The following LARP1B variants were observed in gnomAD, a reference collection of about 807,000 sequenced individuals.
LARP1B encodes the protein la-related protein 1B.
A neutral mutation model predicts 114.2 loss-of-function variants in LARP1B; 76 were observed. That is an observed-to-expected ratio of 0.67 (90% CI 0.55 to 0.81). LARP1B has a LOEUF of 0.81. Ranked by LOEUF, LARP1B falls within the 30% of genes least tolerant of loss-of-function variation. The pLI, the probability that LARP1B is intolerant of heterozygous loss-of-function variation, is 0.00. For synonymous variants in LARP1B, 345 were observed against 348.0 expected (o/e 0.99, Z 0.10); for missense variants, 1,014 against 1,075.8 (o/e 0.94, Z 0.80).
chr4:128,167,023 TACAC>T (rs1741355794), intron 12 of LARP1B, among the ~76,000 whole-genome samples: 1 of 144,280 alleles, frequency 6.9e-6, no homozygotes, highest in Non-Finnish European at 1.5e-5. Context: ...CATATATACA[TACAC>T]ACGTGTGTAC....
chr4:128,090,368 C>T (rs779315131), intron 5 of LARP1B, among the ~76,000 whole-genome samples: 30 of 152,146 alleles, frequency 2.0e-4, no homozygotes, highest in East Asian at 3.9e-4. Context: ...CCACCGCGCC[C>T]GGCCTTGTAT....
chr4:128,189,591 C>T (rs1469627515), intron 15 of LARP1B, among the ~76,000 whole-genome samples: 1 of 151,998 alleles, frequency 6.6e-6, no homozygotes, highest in Non-Finnish European at 1.5e-5. Context: ...TGTTTTGTAA[C>T]TCCTCCCTTA....
At chr4:128,096,887 A>G (rs1778247176) in intron 7 of LARP1B, among the ~76,000 whole-genome samples, 1 of 151,388 alleles carries the variant, frequency 6.6e-6, no homozygotes, top group Non-Finnish European at 1.5e-5. Flanking sequence ...GGCGTGAGCC[A>G]CCATGCCTGG....
intron 9 of LARP1B, among the ~76,000 whole-genome samples, chr4:128,111,685 T>A (rs1784158791): frequency 1.1e-5 from 1 of 92,172 alleles, no homozygotes; most frequent in Non-Finnish European, 2.6e-5. Context: ...TAAGGGGCCC[T>A]GTCTCTTTTT....
chr4:128,108,886 TATA>T (rs1783000139), intron 9 of LARP1B: 10 of 953,328 alleles, frequency 1.0e-5, no homozygotes, highest in Non-Finnish European at 1.2e-5. Flanking sequence ...CTAATAAAAT[TATA>T]AGAATAAAAT....
intron 9 of LARP1B, chr4:128,107,679 GT>G: frequency 7.0e-7 from 1 of 1,434,586 alleles, no homozygotes; most frequent in Non-Finnish European, 9.1e-7. Flanking sequence ...CAAGAGTGGG[GT>G]AGTCTTCCTT....
chr4:128,188,433 A>G (rs1751080743), intron 15 of LARP1B, among the ~76,000 whole-genome samples: 1 of 151,894 alleles, frequency 6.6e-6, no homozygotes, highest in South Asian at 2.1e-4. Flanking sequence ...AGGTTTGTTG[A>G]TTTTGTTTAT....
intron 1 of LARP1B, among the ~76,000 whole-genome samples, chr4:128,073,306 C>T (rs940603178): frequency 1.3e-5 from 2 of 149,824 alleles, no homozygotes; most frequent in African/African-American, 4.9e-5. Context: ...ATCCCAGCTG[C>T]TTGGGAGGCT....
At chr4:128,120,658 T>TG (rs1010231740) in intron 10 of LARP1B, among the ~76,000 whole-genome samples, 3 of 149,784 alleles carry the variant, frequency 2.0e-5, no homozygotes, top group African/African-American at 7.4e-5. Context: ...TTAGTAGAGA[T>TG]GGGGTCTCAC....
Position 128,129,164 on chromosome 4 carries a change from CAAAAAAAAAAAAAAAAAAAAAAAAA to C in LARP1B, c.1524+6992_1524+7016del, listed in dbSNP as rs559312234. ...TGGGCGACAGAGCGAGACTCTGTCT[CAAAAAAAAAAAAAAAAAAAAAAAAA>C]AAAAAAAAAAAAAAATTCAGCCGTG... On this transcript the variant is annotated intron_variant, in intron 11 of 19. Coordinates refer to ENST00000326639, the MANE Select transcript of LARP1B (RefSeq NM_018078.4). 2.6e-4 allele frequency among the ~76,000 whole-genome samples: 13 copies of C among 49,142 alleles called. No individual in the cohort carries two copies. The East Asian group carries it at 3.8e-3, about 14-fold the overall frequency. 32.2% of individuals were successfully genotyped at this position (49,142 alleles called of 152,430 possible).
chr4:128,073,572 GTTTTTTTTTTTT>G (rs568197117), intron 1 of LARP1B, among the ~76,000 whole-genome samples: 2 of 40,002 alleles, frequency 5.0e-5, no homozygotes, highest in African/African-American at 1.7e-4. Flanking sequence ...TATTGTTGTC[GTTTTTTTTTTTT>G]TTTTTTTTTT....
At position 128,209,857 on chromosome 4, in the gene LARP1B, C is replaced by T. The variant is rs1487687852; in HGVS notation, c.2549C>T (p.Pro850Leu). 1.9e-6 allele frequency: 3 copies of T among 1,611,842 alleles called. No individual in the cohort carries two copies. Among genetic ancestry groups the T allele is most frequent in the South Asian group, 2.2e-5 (2 of 91,010 alleles). ...FKRLEDFRVD[P>L]PISDEFGRKR... The stretch of plus-strand genomic sequence containing the variant: ...GGTGTTGCCTTTCATCATTTGCAGC[C>T]CCCTATTAGTGATGAATTTGGAAGA... Residue 850 changes from proline (P) to leucine (L), a missense_variant and splice_region_variant, in exon 20 of 20, where the codon CCC becomes CTC. Physicochemically the swap from Pro to Leu is moderately conservative, Grantham distance 98. Transcript: ENST00000326639.
At chr4:128,102,147 T>C (rs551288498) in intron 8 of LARP1B, among the ~76,000 whole-genome samples, 1 of 152,238 alleles carries the variant, frequency 6.6e-6, no homozygotes, top group Non-Finnish European at 1.5e-5. Context: ...TAAGTCTGCA[T>C]TCACTTAACA....
chr4:128,216,743 G>C (rs1433977767), downstream of LARP1B, among the ~76,000 whole-genome samples: 1 of 151,766 alleles, frequency 6.6e-6, no homozygotes, highest in Non-Finnish European at 1.5e-5. Context: ...AACTAGAGAA[G>C]CAAGAGCAAA....
chr4:128,202,755 G>A (rs937269144), intron 17 of LARP1B, among the ~76,000 whole-genome samples: 3 of 152,136 alleles, frequency 2.0e-5, no homozygotes, highest in African/African-American at 7.2e-5. Flanking sequence ...TGTTTCTGCA[G>A]TATTTACCAC....
At position 128,178,608 on chromosome 4, in the gene LARP1B, C is replaced by T; in HGVS notation, c.1862C>T (p.Pro621Leu). ...CCTAACAAAACACCAAGATTTTATC[C>T]TGTTGTTAAAGAACCAAAAGCCATT... is the stretch of plus-strand genomic sequence containing the variant. ...QDPNKTPRFY[P>L]VVKEPKAIDV... The change falls in exon 14 of 20, where the codon CCT becomes CTT. Residue 621 changes from proline (P) to leucine (L), a missense_variant. Physicochemically the swap from Pro to Leu is moderately conservative, Grantham distance 98 (BLOSUM62 -3). Coordinates refer to ENST00000326639, the MANE Select transcript of LARP1B (RefSeq NM_018078.4). 1 of 1,614,032 alleles carries T rather than the reference C, an allele frequency of 6.2e-7. No homozygotes were observed. The highest frequency in any genetic ancestry group is 8.5e-7 in the Non-Finnish European group (1 of 1,179,986).
intron 7 of LARP1B, among the ~76,000 whole-genome samples, chr4:128,095,814 T>A (rs1387567555): frequency 1.3e-5 from 2 of 152,130 alleles, no homozygotes; most frequent in African/African-American, 4.8e-5. Flanking sequence ...ATAACTTGTA[T>A]TCCATGTTTG....
At chr4:128,176,756 C>G (rs1746373173) in intron 12 of LARP1B, 116 bp from the exon 13 acceptor site, 3 of 903,548 alleles carry the variant, frequency 3.3e-6, no homozygotes, top group African/African-American at 1.7e-5. Context: ...ATGAGACTTA[C>G]TCTTGGCATC....
chr4:128,191,699 T>G (rs999980436), intron 15 of LARP1B, among the ~76,000 whole-genome samples: 6 of 152,158 alleles, frequency 3.9e-5, no homozygotes, highest in Admixed American at 2.6e-4. Flanking sequence ...GAGGAGAATT[T>G]CAGGGCTAGG....
Sources: gnomAD v4.1 joint callset for allele counts (sites outside exome capture counted in the v4.1 genomes callset) on GRCh38, gnomAD v4.1.1 for gene constraint, MANE v1.5 for transcripts, NCBI Gene and HGNC (gene_info 2026-07-23, HGNC 2026-07-21) for gene names.